The following GRM7 variants were observed in gnomAD, a reference collection of about 807,000 sequenced individuals.
The protein encoded by GRM7 is metabotropic glutamate receptor 7.
GRM7 carries 35 observed loss-of-function variants against 84.5 expected under a neutral mutation model. The ratio of observed to expected loss-of-function variants is 0.41; its 90% CI spans 0.32 to 0.55. GRM7 has a LOEUF of 0.55. GRM7 is among the 20% of genes least tolerant of loss of function. GRM7 has a pLI of 0.19. For synonymous variants in GRM7, 487 were observed against 455.1 expected (o/e 1.07, Z -0.89); for missense variants, 1,003 against 1,194.6 (o/e 0.84, Z 2.36).
chr3:7,136,257 A>G (rs1409901445), intron 1 of GRM7, among the ~76,000 whole-genome samples: 2 of 151,842 alleles, frequency 1.3e-5, no homozygotes, highest in East Asian at 1.9e-4. Context: ...GACCATAAAC[A>G]CTGTATTTGC....
chr3:7,312,941 T>C (rs1282981822), intron 4 of GRM7, among the ~76,000 whole-genome samples: 6 of 141,932 alleles, frequency 4.2e-5, no homozygotes, highest in African/African-American at 1.5e-4. Flanking sequence ...TTTTTCTTTT[T>C]TTTTTTTTTT....
At chr3:7,114,621 A>C (rs1690872610) in intron 1 of GRM7, among the ~76,000 whole-genome samples, 1 of 152,188 alleles carries the variant, frequency 6.6e-6, no homozygotes, top group African/African-American at 2.4e-5. Flanking sequence ...CACAGGTCCA[A>C]TTGAGAAAAC....
chr3:7,351,338 C>CAAAAAAAAA (rs1559258100), intron 4 of GRM7, among the ~76,000 whole-genome samples: 1 of 41,374 alleles, frequency 2.4e-5, no homozygotes, highest in African/African-American at 8.6e-5. Context: ...TTCCCACAGG[C>CAAAAAAAAA]GAAAAAAAAA....
chr3:6,961,965 C>G (rs189915298), intron 1 of GRM7, among the ~76,000 whole-genome samples: 1 of 152,278 alleles, frequency 6.6e-6, no homozygotes, highest in Admixed American at 6.5e-5. Flanking sequence ...TTCCATATCT[C>G]TTTTCTTCCT....
chr3:7,594,873 A>G (rs573658663), intron 8 of GRM7, among the ~76,000 whole-genome samples: 37 of 152,238 alleles, frequency 2.4e-4, no homozygotes, highest in African/African-American at 8.7e-4. Flanking sequence ...TACAAGGTTG[A>G]AAATGTCAAC....
chr3:7,595,563 T>C (rs1197651567), intron 8 of GRM7, among the ~76,000 whole-genome samples: 2 of 151,992 alleles, frequency 1.3e-5, no homozygotes, highest in Non-Finnish European at 2.9e-5. Context: ...AATATGAGTA[T>C]GTAATATATC....
intron 9 of GRM7, among the ~76,000 whole-genome samples, chr3:7,716,676 A>C: frequency 6.6e-6 from 1 of 152,212 alleles, no homozygotes; most frequent in South Asian, 2.1e-4. Context: ...CATGGGTTGA[A>C]TGATGCTGCT....
At chr3:7,722,737 C>A (rs540996841) in intron 9 of GRM7, among the ~76,000 whole-genome samples, 1 of 152,044 alleles carries the variant, frequency 6.6e-6, no homozygotes, top group Non-Finnish European at 1.5e-5. Flanking sequence ...CCACCACGCC[C>A]GGCCCCTTGT....
rs190151102 is a variant in GRM7, at chr3:7,083,805, T to C, written c.520-62647T>C. On this transcript the variant is annotated intron_variant, in intron 1 of 9. Transcript: ENST00000357716. ...TTCTCTGTGAGTGCTACGACGAAAA[T>C]CAAAGGCCTTTCTGATGAGGTGTCA... Among the ~76,000 whole-genome samples, 51 of 152,090 alleles carry C rather than the reference T, an allele frequency of 3.4e-4. No individual in the cohort carries two copies. In the East Asian group the frequency reaches 9.9e-3, roughly 30 times the overall value.
intron 2 of GRM7, among the ~76,000 whole-genome samples, chr3:7,295,780 C>A (rs1699793272): frequency 1.3e-5 from 2 of 151,704 alleles, no homozygotes; most frequent in African/African-American, 4.8e-5. Flanking sequence ...TATCCTGCAA[C>A]CTTGTTTAAG....
Position 6,928,783 on chromosome 3 carries a change from T to C in GRM7, c.519+66876T>C, listed in dbSNP as rs956485651. ...TGTAGCCTTCTGCTATATTTACTGT[T>C]AGAAAATGTTCTTTTAAATTGAGCA... is the stretch of plus-strand genomic sequence containing the variant. On this transcript the variant is annotated intron_variant, in intron 1 of 9. Coordinates refer to ENST00000357716, the MANE Select transcript of GRM7 (RefSeq NM_000844.4). The surrounding 1 kb of genome is among the most constrained non-coding windows in gnomAD (Gnocchi z 4.5). Among the ~76,000 whole-genome samples the C allele has an allele frequency of 3.3e-5, 5 of 152,226 alleles. No homozygotes were observed. Among genetic ancestry groups the C allele is most frequent in the African/African-American group, 1.2e-4 (5 of 41,450 alleles).
At chr3:7,562,841 G>A (rs536964174) in intron 7 of GRM7, among the ~76,000 whole-genome samples, 2 of 152,226 alleles carry the variant, frequency 1.3e-5, no homozygotes, top group South Asian at 4.2e-4. Flanking sequence ...TGATGTGTCT[G>A]TATTGGATAG....
intron 7 of GRM7, among the ~76,000 whole-genome samples, chr3:7,577,783 C>T (rs903110665): frequency 6.6e-6 from 1 of 152,190 alleles, no homozygotes; most frequent in African/African-American, 2.4e-5. Flanking sequence ...TTAAAGCCTT[C>T]ATTAGTAAGC....
intron 4 of GRM7, among the ~76,000 whole-genome samples, chr3:7,346,281 T>C (rs1664850298): frequency 6.6e-6 from 1 of 152,168 alleles, no homozygotes; most frequent in Admixed American, 6.6e-5. Flanking sequence ...TTTGATGTGT[T>C]CCAGCATGAC....
rs138194434 is a variant in GRM7 at position 7,336,140 on chromosome 3, C to T, written c.1033+29488C>T. Among the ~76,000 whole-genome samples, 617 of 151,936 alleles carry T rather than the reference C, an allele frequency of 4.1e-3. 8 individuals carry two copies. The highest frequency in any genetic ancestry group is 0.014 in the African/African-American group (574 of 41,502). On this transcript the variant is annotated intron_variant, in intron 4 of 9. Transcript: ENST00000357716. Reference sequence around the variant, plus strand: ...CCTGATGAAGATAGATGCAAAAATTCTCAACAAAATACTTGTGAACTGAAT... The same window carrying T: ...CCTGATGAAGATAGATGCAAAAATTTTCAACAAAATACTTGTGAACTGAAT...
intron 8 of GRM7, among the ~76,000 whole-genome samples, chr3:7,644,398 TTA>T (rs1698527303): frequency 7.3e-6 from 1 of 137,752 alleles, no homozygotes; most frequent in Admixed American, 7.2e-5. Context: ...GCAGAAATAG[TTA>T]GTTTTAACGG....
At chr3:7,129,351 C>T (rs1693514925) in intron 1 of GRM7, among the ~76,000 whole-genome samples, 1 of 152,202 alleles carries the variant, frequency 6.6e-6, no homozygotes, top group Admixed American at 6.5e-5. Context: ...TGCACATGAT[C>T]AACACTTATC....
chr3:7,305,699 C>T (rs1008884270), intron 3 of GRM7, among the ~76,000 whole-genome samples: 1 of 151,656 alleles, frequency 6.6e-6, no homozygotes, highest in Non-Finnish European at 1.5e-5. Flanking sequence ...TGGCCTTTGT[C>T]AGCTTATTCA....
chr3:7,268,048 C>T (rs1424426565), intron 2 of GRM7, among the ~76,000 whole-genome samples: 1 of 151,988 alleles, frequency 6.6e-6, no homozygotes, highest in African/African-American at 2.4e-5. Context: ...TCTCAATGCC[C>T]TCAGCACTCA....
Sources: gnomAD v4.1 joint callset for allele counts (sites outside exome capture counted in the v4.1 genomes callset) on GRCh38, gnomAD v4.1.1 for gene constraint, Gnocchi (gnomAD v3.1) non-coding constraint, MANE v1.5 for transcripts, NCBI Gene and HGNC (gene_info 2026-07-23, HGNC 2026-07-21) for gene names.